The following ESD variants were observed in gnomAD, a reference collection of about 807,000 sequenced individuals.
The protein encoded by ESD is S-formylglutathione hydrolase.
ESD carries 34 observed loss-of-function variants against 38.1 expected under a neutral mutation model. The ratio of observed to expected loss-of-function variants is 0.89; its 90% CI spans 0.68 to 1.19. The LOEUF is 1.19. Ranked by LOEUF, ESD falls within the 50% of genes most tolerant of loss-of-function variation. The probability of loss-of-function intolerance (pLI) is 0.00; values close to 1 mark genes in which losing one functional copy is unlikely to be tolerated. For missense variants in ESD, 334 were observed against 327.2 expected (o/e 1.02, Z -0.16); for synonymous variants, 97 against 107.0 (o/e 0.91, Z 0.58).
At chr13:46,792,126 T>C (rs535622851) in intron 2 of ESD, among the ~76,000 whole-genome samples, 1 of 152,120 alleles carries the variant, frequency 6.6e-6, no homozygotes, top group African/African-American at 2.4e-5. Flanking sequence ...TTGCTTTTAA[T>C]GATAAATACA....
At chr13:46,780,335 C>G (rs1486303618) in intron 7 of ESD, among the ~76,000 whole-genome samples, 1 of 151,656 alleles carries the variant, frequency 6.6e-6, no homozygotes, top group Non-Finnish European at 1.5e-5. Flanking sequence ...AGCGTTTCTG[C>G]TTTTTTAGCA....
At chr13:46,784,161 A>C (rs1875107598) in intron 5 of ESD, 91 bp downstream of exon 5, 1 of 981,036 alleles carries the variant, frequency 1.0e-6, no homozygotes, top group Admixed American at 2.6e-5. Flanking sequence ...AAAAATATAA[A>C]ATGAATTGTA....
In ESD at chr13:46,780,029, A is replaced by C; in HGVS notation, c.506T>G (p.Val169Gly). ...GTTGCAAATTGGAGCAAATGCTGACACAGACTTCAGAAACAAAAGAAATTT... is the reference window on the plus strand; with the variant it reads ...GTTGCAAATTGGAGCAAATGCTGACCCAGACTTCAGAAACAAAAGAAATTT... ...ALKNPGKYKS[V>G]SAFAPICNPV... The change falls in exon 8 of 10, where the codon GTG becomes GGG. Residue 169 changes from valine to glycine, a missense_variant. Physicochemically the swap from Val to Gly is moderately radical, Grantham distance 109 (BLOSUM62 -3). Coordinates refer to ENST00000378720, the MANE Select transcript of ESD (RefSeq NM_001984.2). 2 of 1,588,314 alleles carry C rather than the reference A, an allele frequency of 1.3e-6. No homozygotes were observed. Among genetic ancestry groups the C allele is most frequent in the South Asian group, 1.1e-5 (1 of 87,534 alleles).
At chr13:46,790,311 G>A (rs1435903550) in intron 3 of ESD, among the ~76,000 whole-genome samples, 1 of 152,102 alleles carries the variant, frequency 6.6e-6, no homozygotes, top group African/African-American at 2.4e-5. Context: ...CTAGTTGAAA[G>A]CACTGTGCCT....
Position 46,790,008 on chromosome 13 carries a change from A to ATATATATATT in ESD, c.68+1337_68+1338insAATATATATA, listed in dbSNP as rs1555293852. On this transcript the variant is annotated intron_variant, in intron 3 of 9. Coordinates refer to ENST00000378720, the MANE Select transcript of ESD (RefSeq NM_001984.2). ...TTTTTGTACATATATATATATATATATTTTTTTTTTTTCAGTAGAGACAGG... is the reference window on the plus strand; with the variant it reads ...TTTTTGTACATATATATATATATATATATATATATTTTTTTTTTTTTTCAGTAGAGACAGG... Among the ~76,000 whole-genome samples, 49 of 136,048 alleles carry ATATATATATT rather than the reference A, an allele frequency of 3.6e-4. 2 individuals are homozygous for ATATATATATT. In the Middle Eastern group the frequency reaches 0.015, roughly 42 times the overall value. 89.3% of individuals were successfully genotyped at this position (136,048 alleles called of 152,430 possible).
At chr13:46,774,265 A>G (rs927516805) in intron 9 of ESD, among the ~76,000 whole-genome samples, 1 of 152,220 alleles carries the variant, frequency 6.6e-6, no homozygotes, top group African/African-American at 2.4e-5. Flanking sequence ...AGATTCACCT[A>G]TATGAGAAAG....
intron 9 of ESD, chr13:46,775,354 A>G (rs1428886424): frequency 5.3e-6 from 1 of 188,360 alleles, no homozygotes; most frequent in Non-Finnish European, 1.1e-5. Flanking sequence ...AAAAGAGGTA[A>G]AAGAATGAAG....
intron 7 of ESD, 49 bp from the exon 8 acceptor site, chr13:46,780,082 A>T: frequency 7.9e-7 from 1 of 1,271,658 alleles, no homozygotes; most frequent in Non-Finnish European, 1.1e-6. Context: ...TGCTAAATTA[A>T]ATATGAATAG....
At position 46,783,996 on chromosome 13, in the gene ESD, A is replaced by G. The variant is rs897062866; in HGVS notation, c.256+256T>C. 4.8e-4 allele frequency among the ~76,000 whole-genome samples: 73 copies of G among 151,954 alleles called. 1 individual carries two copies. Among genetic ancestry groups the G allele is most frequent in the Admixed American group, 4.7e-3 (72 of 15,216 alleles). On this transcript the variant is annotated intron_variant, in intron 5 of 9. Coordinates refer to ENST00000378720, the MANE Select transcript of ESD (RefSeq NM_001984.2). ...CATGATATATGAATTGAGTTGCTCAATCTCTGCTTTGAAGTATCTTAATCT... is the reference window on the plus strand; with the variant it reads ...CATGATATATGAATTGAGTTGCTCAGTCTCTGCTTTGAAGTATCTTAATCT...
At chr13:46,794,161 A>AAAAAC (rs757667081) in intron 1 of ESD, among the ~76,000 whole-genome samples, 1,561 of 151,438 alleles carry the variant, frequency 0.01, 18 homozygotes, top group Middle Eastern at 0.017. Flanking sequence ...CCCCTCCAAA[A>AAAAAC]AACAACAACA....
chr13:46,786,426 G>A lies in ESD; in HGVS notation c.157+595C>T, dbSNP rs111421859. 6.9e-3 allele frequency among the ~76,000 whole-genome samples: 1,047 copies of A among 152,064 alleles called. 15 individuals carry two copies. The highest frequency in any genetic ancestry group is 0.024 in the African/African-American group (980 of 41,520). On this transcript the variant is annotated intron_variant, in intron 4 of 9. Transcript: ENST00000378720. ...TTGCTTCTGAAGATGAAGTACCAGC[G>A]TCTTGTGAAAGAAAAGTTAGCATAG...
chr13:46,773,112 C>A (rs1335476107), intron 9 of ESD, among the ~76,000 whole-genome samples: 1 of 152,130 alleles, frequency 6.6e-6, no homozygotes, highest in African/African-American at 2.4e-5. Flanking sequence ...TGCATATGTA[C>A]CACATTTTCT....
At position 46,782,748 on chromosome 13, in the gene ESD, G is replaced by A. The variant is rs1875052288; in HGVS notation, c.300C>T (p.Gly100=). Residue 100 remains glycine (G), a synonymous_variant, in exon 6 of 10, where the codon GGC becomes GGT. Coordinates refer to ENST00000378720, the MANE Select transcript of ESD (RefSeq NM_001984.2). ...CATCAACATAAAATCCAGCACCAGT[G>A]CCAAAGTCCCAGCTCTCATCTTCAC... ...IKGEDESWDF[G]TGAGFYVDAT... The A allele has an allele frequency of 1.9e-6, 3 of 1,612,234 alleles. No homozygotes were observed. Among genetic ancestry groups the A allele is most frequent in the South Asian group, 2.2e-5 (2 of 91,020 alleles).
In ESD at chr13:46,773,437, G is replaced by A. The variant is rs549850218; in HGVS notation, c.769-1941C>T. On this transcript the variant is annotated intron_variant, in intron 9 of 9. Coordinates refer to ENST00000378720, the MANE Select transcript of ESD (RefSeq NM_001984.2). Reference sequence around the variant, plus strand: ...ATTAAAATACAAGGTTGAATAAACCGAAAGAAATGAAAGTCTAACAAAGAT... The same window carrying A: ...ATTAAAATACAAGGTTGAATAAACCAAAAGAAATGAAAGTCTAACAAAGAT... Among the ~76,000 whole-genome samples the A allele has an allele frequency of 2.2e-4, 33 of 152,272 alleles. No homozygotes were observed. The East Asian group carries it at 2.3e-3, about 11-fold the overall frequency.
At chr13:46,771,559 T>C (rs1372441650) in intron 9 of ESD, 63 bp from the exon 10 acceptor site, 2 of 1,025,876 alleles carry the variant, frequency 1.9e-6, no homozygotes, top group African/African-American at 1.6e-5. Context: ...ATTAGGAACA[T>C]TAAATATATC....
At chr13:46,780,947 G>A (rs1414180352) in intron 7 of ESD, among the ~76,000 whole-genome samples, 3 of 151,652 alleles carry the variant, frequency 2.0e-5, no homozygotes, top group Admixed American at 6.6e-5. Flanking sequence ...GTAACATGCT[G>A]TTCTGCACAG....
chr13:46,772,975 C>A (rs12583310), intron 9 of ESD, among the ~76,000 whole-genome samples: 3,096 of 152,180 alleles, frequency 0.02, 143 homozygotes, highest in East Asian at 0.16. Context: ...TGAGCCACTG[C>A]GCCTGGCCTG....
rs112839562 is a variant in ESD at position 46,771,452 on chromosome 13, G to A, written c.813C>T (p.Asp271=). 10,171 of 1,607,514 alleles carry A rather than the reference G, an allele frequency of 6.3e-3. 56 individuals carry two copies. The highest frequency in any genetic ancestry group is 7.9e-3 in the South Asian group (712 of 90,698). ...GGTATTTAGCATGATGTCTGATGTG[G>A]TCAGTAATAAAGGTTGCAATGAAGT... is the stretch of plus-strand genomic sequence containing the variant. ...SYYFIATFIT[D]HIRHHAKYLN... Residue 271 remains aspartate (D), a synonymous_variant, in exon 10 of 10, where the codon GAC becomes GAT. Coordinates refer to ENST00000378720, the MANE Select transcript of ESD (RefSeq NM_001984.2).
At chr13:46,786,726 A>C (rs1875205697) in intron 4 of ESD, among the ~76,000 whole-genome samples, 1 of 151,984 alleles carries the variant, frequency 6.6e-6, no homozygotes, top group South Asian at 2.1e-4. Context: ...AACTCCAGAA[A>C]TGCTTGGGTA....
Sources: gnomAD v4.1 joint callset for allele counts (sites outside exome capture counted in the v4.1 genomes callset) on GRCh38, gnomAD v4.1.1 for gene constraint, MANE v1.5 for transcripts, NCBI Gene and HGNC (gene_info 2026-07-23, HGNC 2026-07-21) for gene names.